MIA3: variants seen among roughly 807,000 people sequenced by gnomAD.
MIA3 encodes the protein transport and Golgi organization protein 1 homolog.
In MIA3, 90 loss-of-function variants were observed where a neutral mutation model predicts 192.4. That is an observed-to-expected ratio of 0.47 (90% CI 0.39 to 0.56). MIA3 has a LOEUF of 0.56. MIA3 is among the 20% of genes least tolerant of loss of function. The pLI is 0.00. For synonymous variants in MIA3, 740 were observed against 792.8 expected (o/e 0.93, Z 1.12); for missense variants, 2,123 against 2,269.4 (o/e 0.94, Z 1.31).
rs769494811 is a variant in MIA3, at chr1:222,630,289, C to A, written c.3069C>A (p.Asp1023Glu). 1 of 1,614,180 alleles carries A rather than the reference C, an allele frequency of 6.2e-7. No homozygotes were observed. Among genetic ancestry groups the A allele is most frequent in the Non-Finnish European group, 8.5e-7 (1 of 1,180,022 alleles). ...EEAAVLDDIQDLIYFVRYKHS... is the reference protein window; with the variant it reads ...EEAAVLDDIQELIYFVRYKHS... Reference sequence around the variant, plus strand: ...CTGCAGTGCTTGATGACATTCAAGACCTCATCTATTTTGTCAGGTACAAGC... The same window carrying A: ...CTGCAGTGCTTGATGACATTCAAGAACTCATCTATTTTGTCAGGTACAAGC... Residue 1023 changes from aspartate (D) to glutamate (E), a missense_variant, in exon 4 of 28, where the codon GAC (aspartate) becomes GAA (glutamate). Transcript: ENST00000344922.
intron 6 of MIA3, chr1:222,644,703 G>A (rs1663050235): frequency 1.7e-6 from 2 of 1,155,212 alleles, no homozygotes; most frequent in Admixed American, 2.1e-5. Flanking sequence ...TGTCAGATCC[G>A]AGGAAAGCAA....
chr1:222,636,275 C>T lies in MIA3; in HGVS notation c.3477+3026C>T, dbSNP rs199708714. On this transcript the variant is annotated intron_variant, in intron 6 of 27. Coordinates refer to ENST00000344922, the MANE Select transcript of MIA3 (RefSeq NM_198551.4). The stretch of plus-strand genomic sequence containing the variant: ...GAGCACTTTTTCACTGCTTATTGGC[C>T]ATAGTTTTTTGTGTGTCAGTTCACT... 3.7e-4 allele frequency among the ~76,000 whole-genome samples: 57 copies of T among 152,158 alleles called. No individual in the cohort carries two copies. The East Asian group carries it at 9.8e-3, about 26-fold the overall frequency.
At chr1:222,625,037 T>C (rs1662047216) in intron 3 of MIA3, among the ~76,000 whole-genome samples, 183 bp downstream of exon 3, 1 of 151,326 alleles carries the variant, frequency 6.6e-6, no homozygotes, top group Non-Finnish European at 1.5e-5. Context: ...TGAGTCGGAG[T>C]CTCGCTCTGT....
In MIA3 at chr1:222,659,666, T is replaced by C. The variant is rs1408372611; in HGVS notation, c.4806+9T>C. The C allele has an allele frequency of 1.9e-6, 3 of 1,613,874 alleles. No homozygotes were observed. The highest frequency in any genetic ancestry group is 2.5e-6 in the Non-Finnish European group (3 of 1,179,916). The stretch of plus-strand genomic sequence containing the variant: ...AAGCTCATGAAAACTGGGTAAGATT[T>C]CTTTTTTTCTTTCCCTTATTTTGTG... On this transcript the variant is annotated intron_variant, in intron 21 of 27. Transcript: ENST00000344922.
In MIA3 at chr1:222,628,085, G is replaced by C; in HGVS notation, c.865G>C (p.Asp289His). 2 of 1,614,102 alleles carry C rather than the reference G, an allele frequency of 1.2e-6. No homozygotes were observed. Among genetic ancestry groups the C allele is most frequent in the South Asian group, 1.1e-5 (1 of 91,084 alleles). The change falls in exon 4 of 28, where the codon GAT becomes CAT. Residue 289 changes from aspartate to histidine, a missense_variant. Physicochemically the swap from Asp to His is moderately conservative, Grantham distance 81. Around this residue, in one of 3 missense-constraint regions of MIA3, gnomAD observed 1,357 missense variants for 1,396.1 expected, o/e 0.97. Transcript: ENST00000344922. Reference protein sequence around the residue: ...FGSTADALVSDDETTRLVTSL... With the variant: ...FGSTADALVSHDETTRLVTSL... ...CTCAACAGCTGATGCACTTGTATCTGATGATGAGACAACCAGACTCGTTAC... is the reference window on the plus strand; with the variant it reads ...CTCAACAGCTGATGCACTTGTATCTCATGATGAGACAACCAGACTCGTTAC...
At chr1:222,665,006 T>C (rs139066016) in intron 27 of MIA3, 6,225 of 406,202 alleles carry the variant, frequency 0.015, 66 homozygotes, top group Non-Finnish European at 0.022. Context: ...GAGACCAGCC[T>C]GGGCAACATG....
intron 2 of MIA3, among the ~76,000 whole-genome samples, 197 bp from the exon 3 acceptor site, chr1:222,624,571 A>C (rs1441810384): frequency 6.6e-6 from 1 of 152,210 alleles, no homozygotes; most frequent in African/African-American, 2.4e-5. Flanking sequence ...TAAACCTTGA[A>C]TAACACTCTG....
chr1:222,666,701 T>TGGG lies in MIA3; in HGVS notation c.*1085_*1087dup, dbSNP rs3833532. 0.8 allele frequency: 106,263 copies of TGGG among 132,454 alleles called. 44,247 individuals carry two copies. The highest frequency in any genetic ancestry group is 0.9 in the Admixed American group (11,347 of 12,640). 8.2% of individuals were successfully genotyped at this position (132,454 alleles called of 1,614,324 possible). ...AAATCAGTTCTGTTTTAGGGGGAAA[T>TGGG]GGGGGCGACAGATATTATTCCAAAA... is the stretch of plus-strand genomic sequence containing the variant. On this transcript the variant is annotated 3_prime_UTR_variant, in exon 28 of 28. Coordinates refer to ENST00000344922, the MANE Select transcript of MIA3 (RefSeq NM_198551.4).
Position 222,660,226 on chromosome 1 carries a change from A to G in MIA3, c.5025A>G (p.Gly1675=), listed in dbSNP as rs749604377. 1 of 1,613,830 alleles carries G rather than the reference A, an allele frequency of 6.2e-7. No individual in the cohort carries two copies. Among genetic ancestry groups the G allele is most frequent in the African/African-American group, 1.3e-5 (1 of 74,912 alleles). Residue 1675 remains glycine, a synonymous_variant, in exon 24 of 28, where the codon GGA becomes GGG. Coordinates refer to ENST00000344922, the MANE Select transcript of MIA3 (RefSeq NM_198551.4). ...TTGGCCCATCCCCTGTGAGTGGTGG[A>G]GAATGCTCCCCTCCATTGACAGTGG... ...GSFGPSPVSG[G]ECSPPLTVEP...
intron 7 of MIA3, among the ~76,000 whole-genome samples, chr1:222,648,367 T>C (rs17531063): frequency 6.6e-6 from 1 of 152,200 alleles, no homozygotes. Context: ...GGTGTGTATC[T>C]TAGTACGAAG....
intron 6 of MIA3, among the ~76,000 whole-genome samples, chr1:222,643,225 A>G (rs1215798437): frequency 6.6e-6 from 1 of 152,240 alleles, no homozygotes; most frequent in Non-Finnish European, 1.5e-5. Context: ...GAACAATGAG[A>G]AAAAGATCCA....
chr1:222,621,349 T>TG, intron 2 of MIA3, 57 bp downstream of exon 2: 1 of 1,512,424 alleles, frequency 6.6e-7, no homozygotes, highest in Non-Finnish European at 9.0e-7. Context: ...TCTTTAGCAC[T>TG]GTAGAGTTAA....
At chr1:222,664,627 G>C (rs1407172349) in intron 27 of MIA3, among the ~76,000 whole-genome samples, 1 of 152,074 alleles carries the variant, frequency 6.6e-6, no homozygotes, top group African/African-American at 2.4e-5. Flanking sequence ...TGAAAGAGAA[G>C]GTAGAATTTA....
chr1:222,629,684 C>G lies in MIA3; in HGVS notation c.2464C>G (p.Gln822Glu). 1.2e-6 allele frequency: 2 copies of G among 1,614,164 alleles called. No homozygotes were observed. Among genetic ancestry groups the G allele is most frequent in the Non-Finnish European group, 1.7e-6 (2 of 1,180,014 alleles). Reference sequence around the variant, plus strand: ...ACGCCCTCTGGCAGATAAGAAAGCACAGAGACCATTTGAACGAAGTGACTT... The same window carrying G: ...ACGCCCTCTGGCAGATAAGAAAGCAGAGAGACCATTTGAACGAAGTGACTT... The part of the protein sequence containing the change: ...KERPLADKKA[Q>E]RPFERSDFSD... The change falls in exon 4 of 28, where the codon CAG becomes GAG. Residue 822 changes from glutamine to glutamate, a missense_variant. By Grantham distance (29) the Gln-to-Glu change is conservative. Around this residue, in one of 3 missense-constraint regions of MIA3, gnomAD observed 1,357 missense variants for 1,396.1 expected, o/e 0.97. Coordinates refer to ENST00000344922, the MANE Select transcript of MIA3 (RefSeq NM_198551.4).
chr1:222,642,545 A>G (rs1346515237), intron 6 of MIA3, among the ~76,000 whole-genome samples: 1 of 152,142 alleles, frequency 6.6e-6, no homozygotes, highest in Non-Finnish European at 1.5e-5. Flanking sequence ...ATTTGTTGTT[A>G]TATCCCCAGT....
intron 18 of MIA3, among the ~76,000 whole-genome samples, chr1:222,657,253 A>G (rs1663780639): frequency 1.3e-5 from 2 of 152,206 alleles, no homozygotes; most frequent in African/African-American, 4.8e-5. Flanking sequence ...TTGCCTGTTC[A>G]ATACTCCAAG....
chr1:222,635,846 G>A (rs545645687), intron 6 of MIA3, among the ~76,000 whole-genome samples: 5 of 152,214 alleles, frequency 3.3e-5, no homozygotes, highest in East Asian at 1.9e-4. Flanking sequence ...GGACCTGTGC[G>A]TCACCGGTTC....
Position 222,664,143 on chromosome 1 carries a change from C to CTT in MIA3, c.5408_5409insTT (p.Phe1804SerfsTer10). Reference sequence around the variant, plus strand: ...TTTGGGCCTCGGCCACTTCCTCCACCCTTTGGTAAGATGATCTGAACAGTA... The same window carrying CTT: ...TTTGGGCCTCGGCCACTTCCTCCACCTTCTTTGGTAAGATGATCTGAACAGTA... On this transcript the variant is annotated frameshift_variant, in exon 27 of 28. Transcript: ENST00000344922. LOFTEE classifies it low-confidence loss of function (END_TRUNC). 5 of 1,614,142 alleles carry CTT rather than the reference C, an allele frequency of 3.1e-6. No homozygotes were observed. The highest frequency in any genetic ancestry group is 4.2e-6 in the Non-Finnish European group (5 of 1,179,992).
chr1:222,632,472 C>G (rs2124854877), intron 5 of MIA3, 146 bp downstream of exon 5: 1 of 686,678 alleles, frequency 1.5e-6, no homozygotes, highest in Non-Finnish European at 2.4e-6. Flanking sequence ...AAGCAGGCGT[C>G]AAGACAGATG....
Sources: allele counts gnomAD v4.1 joint callset (sites outside exome capture counted in the v4.1 genomes callset), GRCh38; gene constraint gnomAD v4.1.1; regional missense constraint gnomAD v4.1.1; transcripts MANE v1.5; gene names NCBI Gene and HGNC (gene_info 2026-07-23, HGNC 2026-07-21).